NFE2L3: variants seen among roughly 807,000 people sequenced by gnomAD.
NFE2L3 encodes NFE2 like bZIP transcription factor 3.
A neutral mutation model predicts 23.5 loss-of-function variants in NFE2L3; 18 were observed. The ratio of observed to expected loss-of-function variants is 0.77; its 90% CI spans 0.53 to 1.13. The LOEUF is 1.13. Ranked by LOEUF, NFE2L3 falls within the 50% of genes most tolerant of loss-of-function variation. The probability of loss-of-function intolerance (pLI) is 0.00; values close to 1 mark genes in which losing one functional copy is unlikely to be tolerated. For missense variants in NFE2L3, 1,152 were observed against 877.2 expected (o/e 1.31, Z -3.96); for synonymous variants, 424 against 354.5 (o/e 1.20, Z -2.20).
At chr7:26,161,967 AC>A (rs1168805169) in intron 1 of NFE2L3, among the ~76,000 whole-genome samples, 1 of 151,908 alleles carries the variant, frequency 6.6e-6, no homozygotes, top group East Asian at 1.9e-4. Flanking sequence ...ACATGGCAAA[AC>A]CCCGTCTCTA....
chr7:26,161,305 A>C (rs1302092448), intron 1 of NFE2L3, among the ~76,000 whole-genome samples: 1 of 144,880 alleles, frequency 6.9e-6, no homozygotes, highest in East Asian at 2.1e-4. Context: ...GCTCAACCGC[A>C]GGAAGAACTT....
chr7:26,183,624 C>T lies in NFE2L3; in HGVS notation c.751-77C>T. The T allele has an allele frequency of 4.8e-6, 4 of 836,602 alleles. No homozygotes were observed. In the South Asian group the frequency reaches 5.8e-5, roughly 12 times the overall value. 51.8% of individuals were successfully genotyped at this position (836,602 alleles called of 1,614,324 possible). ...CAGTGTGGAAATAATACCTGGTGAT[C>T]CTTTAAAGATAAAGCCTAAAGCCCC... On this transcript the variant is annotated intron_variant, in intron 2 of 3. Transcript: ENST00000056233.
Position 26,167,225 on chromosome 7 carries a change from A to T in NFE2L3, c.571-10718A>T, listed in dbSNP as rs189425978. On this transcript the variant is annotated intron_variant, in intron 1 of 3. Coordinates refer to ENST00000056233, the MANE Select transcript of NFE2L3 (RefSeq NM_004289.7). ...GGCAGGTATCATGTTTACAGCCAGT[A>T]GGAAAGAAAAGACCCATATAATTTG... Among the ~76,000 whole-genome samples the T allele has an allele frequency of 2.0e-5, 3 of 152,352 alleles. No individual in the cohort carries two copies. In the East Asian group the frequency reaches 5.8e-4, roughly 29 times the overall value.
chr7:26,185,354 T>C lies in NFE2L3; in HGVS notation c.1656T>C (p.Asp552=), dbSNP rs374986558. The C allele has an allele frequency of 6.2e-7, 1 of 1,614,142 alleles. No homozygotes were observed. Among genetic ancestry groups the C allele is most frequent in the Non-Finnish European group, 8.5e-7 (1 of 1,179,990 alleles). The change falls in exon 4 of 4, where the codon GAT becomes GAC. Residue 552 remains aspartate (D), a synonymous_variant. Coordinates refer to ENST00000056233, the MANE Select transcript of NFE2L3 (RefSeq NM_004289.7). ...AKALHIPFSV[D]EIVGMPVDSF... The stretch of plus-strand genomic sequence containing the variant: ...CTTTGCATATCCCTTTTTCTGTAGA[T>C]GAAATTGTCGGCATGCCTGTTGATT...
intron 1 of NFE2L3, among the ~76,000 whole-genome samples, chr7:26,165,343 TCTC>T (rs1267442087): frequency 1.3e-5 from 2 of 152,188 alleles, no homozygotes; most frequent in African/African-American, 4.8e-5. Flanking sequence ...GGTTTGTAGT[TCTC>T]CTTGAAGAGG....
At chr7:26,161,300 A>G (rs1042010330) in intron 1 of NFE2L3, among the ~76,000 whole-genome samples, 1 of 147,708 alleles carries the variant, frequency 6.8e-6, no homozygotes, top group Non-Finnish European at 1.5e-5. Context: ...CTAAAGCTCA[A>G]CCGCAGGAAG....
chr7:26,179,572 G>A (rs539184898), intron 2 of NFE2L3, among the ~76,000 whole-genome samples: 375 of 152,152 alleles, frequency 2.5e-3, no homozygotes, highest in Non-Finnish European at 4.5e-3. Flanking sequence ...TGGGCGTAGT[G>A]GTGTGTGCCT....
chr7:26,179,928 AGCTGG>A (rs1224046353), intron 2 of NFE2L3, among the ~76,000 whole-genome samples: 1 of 152,142 alleles, frequency 6.6e-6, no homozygotes, highest in African/African-American at 2.4e-5. Context: ...CTGGCCCCAC[AGCTGG>A]GAGTCTTCCT....
In NFE2L3 at chr7:26,176,887, G is replaced by A. The variant is rs1311335971; in HGVS notation, c.571-1056G>A. Among the ~76,000 whole-genome samples the A allele has an allele frequency of 2.3e-5, 3 of 132,966 alleles. 1 individual carries two copies. Among genetic ancestry groups the A allele is most frequent in the Admixed American group, 1.5e-4 (2 of 13,468 alleles). 87.2% of individuals were successfully genotyped at this position (132,966 alleles called of 152,430 possible). A position where few individuals can be genotyped will look rare whatever the true frequency, so the allele number is the denominator to read the frequency against. ...AGGCACTCCTCACCTCCCAGACGGG[G>A]CGGCCGGGCAGAGGCGCTCCTCACA... On this transcript the variant is annotated intron_variant, in intron 1 of 3. Coordinates refer to ENST00000056233, the MANE Select transcript of NFE2L3 (RefSeq NM_004289.7).
chr7:26,152,951 G>T lies in NFE2L3; in HGVS notation c.453G>T (p.Gln151His), dbSNP rs1784021167. The T allele has an allele frequency of 6.1e-6, 9 of 1,479,874 alleles. No homozygotes were observed. Among genetic ancestry groups the T allele is most frequent in the Admixed American group, 2.4e-5 (1 of 42,256 alleles). The allele number at this position is 1,479,874 out of a possible 1,614,324, so 91.7% of individuals were successfully genotyped here. A position where few individuals can be genotyped will look rare whatever the true frequency, so the allele number is the denominator to read the frequency against. The change falls in exon 1 of 4, where the codon CAG (glutamine) becomes CAT (histidine). Residue 151 changes from glutamine to histidine, a missense_variant. By Grantham distance (24) the Gln-to-His change is conservative. Transcript: ENST00000056233. This position sits in a 1 kb window ranked among gnomAD's most constrained non-coding sequence, Gnocchi z 4.4. The stretch of plus-strand genomic sequence containing the variant: ...TGGACGGCGGCAGCCAGGCTGTGCA[G>T]GGGGGCGGCGGGGACCCCCGAGCGG... ...ASVDGGSQAV[Q>H]GGGGDPRAAR...
At chr7:26,165,313 C>G (rs1187881569) in intron 1 of NFE2L3, among the ~76,000 whole-genome samples, 1 of 152,200 alleles carries the variant, frequency 6.6e-6, no homozygotes, top group African/African-American at 2.4e-5. Flanking sequence ...TTTGTGTCCT[C>G]TTTTATTTCG....
chr7:26,180,909 T>C (rs2128099945), intron 2 of NFE2L3, among the ~76,000 whole-genome samples: 1 of 152,354 alleles, frequency 6.6e-6, no homozygotes, highest in East Asian at 1.9e-4. Context: ...TTCCTCATTG[T>C]GTTATCTCCA....
chr7:26,184,655 C>A lies in NFE2L3; in HGVS notation c.957C>A (p.Ile319=). 1 of 1,613,958 alleles carries A rather than the reference C, an allele frequency of 6.2e-7. No homozygotes were observed. Among genetic ancestry groups the A allele is most frequent in the African/African-American group, 1.3e-5 (1 of 75,050 alleles). The stretch of plus-strand genomic sequence containing the variant: ...AGGATGTGAATCTTCATGAGGCCAT[C>A]TTGCTTTGTCCCAACAATACATTTA... ...ISQDVNLHEA[I]LLCPNNTFRR... is the part of the protein sequence containing the mutation. The change falls in exon 4 of 4, where the codon ATC becomes ATA. Residue 319 remains isoleucine (I), a synonymous_variant. Coordinates refer to ENST00000056233, the MANE Select transcript of NFE2L3 (RefSeq NM_004289.7).
Position 26,185,644 on chromosome 7 carries a change from TAA to T in NFE2L3, c.1947_1948del (p.Asp651Ter), listed in dbSNP as rs1306406908. On this transcript the variant is annotated frameshift_variant, in exon 4 of 4. Transcript: ENST00000056233. LOFTEE classifies it high-confidence loss of function. ...CTTTATCATGATATTTTTAGTAGAT[TAA>T]GAGATGACCAAGGTAGGCCAGTCAA... is the stretch of plus-strand genomic sequence containing the variant. 6.8e-6 allele frequency: 11 copies of T among 1,613,748 alleles called. No individual in the cohort carries two copies. Among genetic ancestry groups the T allele is most frequent in the East Asian group, 2.2e-5 (1 of 44,898 alleles).
chr7:26,180,362 G>A (rs1340109282), intron 2 of NFE2L3, among the ~76,000 whole-genome samples: 2 of 152,094 alleles, frequency 1.3e-5, no homozygotes, highest in South Asian at 2.1e-4. Flanking sequence ...GCAACTGCCT[G>A]TTCTTTTTTC....
intron 1 of NFE2L3, among the ~76,000 whole-genome samples, chr7:26,154,232 T>C (rs1209966845): frequency 6.6e-6 from 1 of 152,158 alleles, no homozygotes; most frequent in Non-Finnish European, 1.5e-5. Flanking sequence ...GGGATCCTTC[T>C]GTGTTCAGGA....
intron 1 of NFE2L3, among the ~76,000 whole-genome samples, chr7:26,164,118 T>C (rs1439392702): frequency 6.6e-6 from 1 of 152,168 alleles, no homozygotes; most frequent in African/African-American, 2.4e-5. Flanking sequence ...AATAAACATA[T>C]GTGTGCATGT....
intron 1 of NFE2L3, among the ~76,000 whole-genome samples, chr7:26,159,675 A>G (rs921984466): frequency 1.3e-5 from 2 of 152,208 alleles, no homozygotes; most frequent in African/African-American, 2.4e-5. Context: ...CTGATGGGCC[A>G]TCTGACTATT....
chr7:26,183,218 C>T (rs1480766185), intron 2 of NFE2L3, among the ~76,000 whole-genome samples: 1 of 151,984 alleles, frequency 6.6e-6, no homozygotes, highest in Non-Finnish European at 1.5e-5. Flanking sequence ...TAGCTTTGGA[C>T]TTTTAAGTAT....
Sources: gnomAD v4.1 joint callset for allele counts (sites outside exome capture counted in the v4.1 genomes callset) on GRCh38, gnomAD v4.1.1 for gene constraint, Gnocchi (gnomAD v3.1) non-coding constraint, MANE v1.5 for transcripts, NCBI Gene and HGNC (gene_info 2026-07-23, HGNC 2026-07-21) for gene names.